The following CTDSPL variants were observed in gnomAD, a reference collection of about 807,000 sequenced individuals.
CTDSPL encodes CTD small phosphatase-like protein.
A neutral mutation model predicts 30.5 loss-of-function variants in CTDSPL; 8 were observed. The observed-to-expected ratio is 0.26, with a 90% CI of 0.15 to 0.47. The LOEUF (loss-of-function observed/expected upper bound fraction) is 0.47. CTDSPL is among the 20% of genes least tolerant of loss of function. The pLI, the probability that CTDSPL is intolerant of heterozygous loss-of-function variation, is 0.99. For synonymous variants in CTDSPL, 110 were observed against 137.9 expected (o/e 0.80, Z 1.42); for missense variants, 248 against 366.1 (o/e 0.68, Z 2.63).
At chr3:37,963,107 A>G (rs1699261065) in intron 3 of CTDSPL, among the ~76,000 whole-genome samples, 1 of 152,194 alleles carries the variant, frequency 6.6e-6, no homozygotes, top group Non-Finnish European at 1.5e-5. Flanking sequence ...GCACATCCCC[A>G]CATCCCGTCA....
At chr3:37,882,614 C>T (rs1391974703) in intron 1 of CTDSPL, among the ~76,000 whole-genome samples, 1 of 151,838 alleles carries the variant, frequency 6.6e-6, no homozygotes, top group Non-Finnish European at 1.5e-5. Context: ...AAGACTCCGT[C>T]TCAAAAAATA....
In CTDSPL at chr3:37,971,950, A is replaced by G. The variant is rs1476583262; in HGVS notation, c.519+451A>G. On this transcript the variant is annotated intron_variant, in intron 6 of 7. Transcript: ENST00000273179. Reference sequence around the variant, plus strand: ...ATGCTTGGGCTGAATGAGAGTTCCAACTGCCCTAATGAGCTGTATGATCTG... The same window carrying G: ...ATGCTTGGGCTGAATGAGAGTTCCAGCTGCCCTAATGAGCTGTATGATCTG... Among the ~76,000 whole-genome samples, 3 of 152,362 alleles carry G rather than the reference A, an allele frequency of 2.0e-5. No individual in the cohort carries two copies. The East Asian group carries it at 5.8e-4, about 29-fold the overall frequency.
In CTDSPL at chr3:37,974,727, C is replaced by T. The variant is rs551824621; in HGVS notation, c.520-982C>T. Among the ~76,000 whole-genome samples, 3 of 152,312 alleles carry T rather than the reference C, an allele frequency of 2.0e-5. No individual in the cohort carries two copies. In the East Asian group the frequency reaches 5.8e-4, roughly 29 times the overall value. On this transcript the variant is annotated intron_variant, in intron 6 of 7. Transcript: ENST00000273179. Reference sequence around the variant, plus strand: ...CTGGGCTCAAACTCCCATCCAGCTCCTGGGCTTCAAGGAAGTGGATGGGCA... The same window carrying T: ...CTGGGCTCAAACTCCCATCCAGCTCTTGGGCTTCAAGGAAGTGGATGGGCA...
chr3:37,950,297 G>A (rs1023654708), intron 2 of CTDSPL, among the ~76,000 whole-genome samples: 1 of 152,164 alleles, frequency 6.6e-6, no homozygotes, highest in African/African-American at 2.4e-5. Flanking sequence ...ACAACCTGGT[G>A]CAAGCAAAGA....
At chr3:37,950,848 A>C (rs747811278) in intron 2 of CTDSPL, among the ~76,000 whole-genome samples, 17 of 152,358 alleles carry the variant, frequency 1.1e-4, no homozygotes, top group Middle Eastern at 6.8e-3. Context: ...GAAAACAATT[A>C]TATTAGTATC....
At chr3:37,899,310 A>T (rs753669221) in intron 1 of CTDSPL, among the ~76,000 whole-genome samples, 4 of 152,216 alleles carry the variant, frequency 2.6e-5, no homozygotes, top group African/African-American at 4.8e-5. Flanking sequence ...GTGACTTTTC[A>T]TGCCTTCAGT....
intron 3 of CTDSPL, among the ~76,000 whole-genome samples, chr3:37,961,770 G>A (rs143536948): frequency 1.0e-3 from 159 of 152,316 alleles, no homozygotes; most frequent in African/African-American, 3.7e-3. Flanking sequence ...CAGACCTTAA[G>A]CCTGAGAAAT....
At chr3:37,964,533 TTACATAAATGTA>T in intron 3 of CTDSPL, 26 bp from the exon 4 acceptor site, 1 of 1,441,286 alleles carries the variant, frequency 6.9e-7, no homozygotes. Context: ...GGTTTGTCTT[TTACATAAATGTA>T]ATACTGATTT....
intron 3 of CTDSPL, among the ~76,000 whole-genome samples, chr3:37,963,426 G>A (rs889800152): frequency 2.0e-5 from 3 of 152,162 alleles, no homozygotes; most frequent in South Asian, 2.1e-4. Flanking sequence ...AAAGAGCCAC[G>A]TAAAAGGAAA....
At chr3:37,967,610 C>T (rs79990863) in intron 4 of CTDSPL, among the ~76,000 whole-genome samples, 2,874 of 152,308 alleles carry the variant, frequency 0.019, 43 homozygotes, top group Non-Finnish European at 0.029. Context: ...GATATTGGAC[C>T]AAGATGCTGA....
At chr3:37,964,809 G>T in intron 4 of CTDSPL, 137 bp downstream of exon 4, 1 of 610,708 alleles carries the variant, frequency 1.6e-6, no homozygotes, top group Non-Finnish European at 2.9e-6. Context: ...CCCAGGAGCT[G>T]CTTATTAACC....
At chr3:37,967,632 C>T (rs944971909) in intron 4 of CTDSPL, among the ~76,000 whole-genome samples, 194 bp from the exon 5 acceptor site, 4 of 152,232 alleles carry the variant, frequency 2.6e-5, no homozygotes, top group Non-Finnish European at 5.9e-5. Flanking sequence ...AATGTAATGA[C>T]ATTCACAGTG....
At position 37,967,813 on chromosome 3, in the gene CTDSPL, C is replaced by CT; in HGVS notation, c.370-7dup. 1.3e-6 allele frequency: 2 copies of CT among 1,569,988 alleles called. No individual in the cohort carries two copies. The highest frequency in any genetic ancestry group is 1.7e-6 in the Non-Finnish European group (2 of 1,156,736). On this transcript the variant is annotated splice_polypyrimidine_tract_variant and intron_variant, in intron 4 of 7. Transcript: ENST00000273179. ...CCTTCAGACATATTAATTATAGTCT[C>CT]TTTTTTCTCTAGCCTATTAGTAATG...
intron 1 of CTDSPL, among the ~76,000 whole-genome samples, chr3:37,930,643 A>G (rs1698841727): frequency 6.6e-6 from 1 of 152,152 alleles, no homozygotes; most frequent in South Asian, 2.1e-4. Context: ...AAAGACTTGT[A>G]TTGTGACTTA....
intron 1 of CTDSPL, among the ~76,000 whole-genome samples, chr3:37,883,666 C>A (rs1282183744): frequency 6.6e-6 from 1 of 152,194 alleles, no homozygotes; most frequent in Non-Finnish European, 1.5e-5. Flanking sequence ...GGTGGTGTTA[C>A]TTCTTCTTTA....
Position 37,862,261 on chromosome 3 carries a change from C to G in CTDSPL, c.62C>G (p.Pro21Arg). ...TNPKEDEGRL[P>R]GAGEKASQCN... ...CCCAAGGAGGACGAGGGCCGGTTGCCGGGCGCGGGCGAGAAAGGTGAGGAG... is the reference window on the plus strand; with the variant it reads ...CCCAAGGAGGACGAGGGCCGGTTGCGGGGCGCGGGCGAGAAAGGTGAGGAG... Residue 21 changes from proline to arginine, a missense_variant, in exon 1 of 8, where the codon CCG (proline) becomes CGG (arginine). Physicochemically the swap from Pro to Arg is moderately radical, Grantham distance 103. Transcript: ENST00000273179. This position sits in a 1 kb window ranked among gnomAD's most constrained non-coding sequence, Gnocchi z 4.3. 6.7e-7 allele frequency: 1 copy of G among 1,495,122 alleles called. No individual in the cohort carries two copies. The highest frequency in any genetic ancestry group is 8.9e-7 in the Non-Finnish European group (1 of 1,125,660). 92.6% of individuals were successfully genotyped at this position (1,495,122 alleles called of 1,614,324 possible).
chr3:37,953,300 A>G (rs759810618), intron 2 of CTDSPL, among the ~76,000 whole-genome samples: 4 of 152,176 alleles, frequency 2.6e-5, no homozygotes, highest in African/African-American at 4.8e-5. Context: ...CTTTGCTTCC[A>G]TGACTGTCAC....
At chr3:37,971,032 G>C (rs1056811939) in intron 5 of CTDSPL, among the ~76,000 whole-genome samples, 1 of 152,182 alleles carries the variant, frequency 6.6e-6, no homozygotes, top group African/African-American at 2.4e-5. Flanking sequence ...ACCGTGGCCC[G>C]TGCCCACACA....
intron 1 of CTDSPL, among the ~76,000 whole-genome samples, chr3:37,883,285 G>C (rs993638078): frequency 4.6e-5 from 7 of 152,172 alleles, no homozygotes; most frequent in African/African-American, 1.4e-4. Context: ...TTTCCACTCG[G>C]GCTGGAGCAC....
Sources: gnomAD v4.1 joint callset for allele counts (sites outside exome capture counted in the v4.1 genomes callset) on GRCh38, gnomAD v4.1.1 for gene constraint, Gnocchi (gnomAD v3.1) non-coding constraint, MANE v1.5 for transcripts, NCBI Gene and HGNC (gene_info 2026-07-23, HGNC 2026-07-21) for gene names.